The following SAP30BP variants were observed in gnomAD, a reference collection of about 807,000 sequenced individuals.
The protein encoded by SAP30BP is SAP30 binding protein.
Under a neutral mutation model 46.3 loss-of-function variants are expected in SAP30BP, and 31 were observed. The observed-to-expected ratio is 0.67, with a 90% confidence interval of 0.50 to 0.90. SAP30BP has a LOEUF of 0.90. SAP30BP is among the 40% of genes least tolerant of loss of function. The pLI is 0.00. For synonymous variants in SAP30BP, 169 were observed against 144.2 expected (o/e 1.17, Z -1.23); for missense variants, 312 against 391.0 (o/e 0.80, Z 1.70).
In SAP30BP at chr17:75,668,535, A is replaced by G. The variant is rs138151640; in HGVS notation, c.126A>G (p.Val42=). The G allele has an allele frequency of 1.1e-5, 18 of 1,577,350 alleles. No individual in the cohort carries two copies. The highest frequency in any genetic ancestry group is 5.9e-5 in the South Asian group (5 of 84,788). ...GSAAEEKGGL[V]SDAYGEDDFS... ...TTTCAGAGGAGAAAGGCGGATTGGT[A>G]TCTGATGCCTATGGGGAGGATGACT... Residue 42 remains valine, a synonymous_variant, in exon 2 of 11, where the codon GTA becomes GTG. Coordinates refer to ENST00000584667, the MANE Select transcript of SAP30BP (RefSeq NM_013260.8).
chr17:75,669,474 C>G (rs2059876548), intron 2 of SAP30BP, among the ~76,000 whole-genome samples: 2 of 152,124 alleles, frequency 1.3e-5, no homozygotes, highest in African/African-American at 4.8e-5. Context: ...AACTCCTGAC[C>G]TCAGGTGATC....
chr17:75,696,158 G>C (rs979423397), intron 4 of SAP30BP, among the ~76,000 whole-genome samples: 4 of 152,190 alleles, frequency 2.6e-5, no homozygotes, highest in African/African-American at 9.7e-5. Context: ...TCAGACCCAG[G>C]CAGCAGCCAC....
chr17:75,680,751 T>A (rs1416955645), intron 3 of SAP30BP, among the ~76,000 whole-genome samples: 1 of 152,176 alleles, frequency 6.6e-6, no homozygotes, highest in East Asian at 1.9e-4. Flanking sequence ...AAATGCCTAA[T>A]GGCTGAGTGT....
chr17:75,696,017 TC>T lies in SAP30BP; in HGVS notation c.307+2537del, dbSNP rs201583654. Among the ~76,000 whole-genome samples, 20 of 152,310 alleles carry T rather than the reference TC, an allele frequency of 1.3e-4. No homozygotes were observed. In the East Asian group the frequency reaches 3.9e-3, roughly 29 times the overall value. ...CCCATAAGCCCGTCCAACTAGCTGT[TC>T]CTGCACAGATCCCTCCCTGGCAGCT... On this transcript the variant is annotated intron_variant, in intron 4 of 10. Coordinates refer to ENST00000584667, the MANE Select transcript of SAP30BP (RefSeq NM_013260.8).
In SAP30BP at chr17:75,701,964, G is replaced by A. The variant is rs138347919; in HGVS notation, c.397-516G>A. 1.2e-3 allele frequency among the ~76,000 whole-genome samples: 189 copies of A among 152,278 alleles called. No individual in the cohort carries two copies. In the Middle Eastern group the frequency reaches 0.017, roughly 14 times the overall value. On this transcript the variant is annotated intron_variant, in intron 5 of 10. Coordinates refer to ENST00000584667, the MANE Select transcript of SAP30BP (RefSeq NM_013260.8). The stretch of plus-strand genomic sequence containing the variant: ...TCAGCAGTGAAAGCAGCCTGGTCTC[G>A]GTTTATCTTACTTGTGTGCAGTTCT...
intron 3 of SAP30BP, chr17:75,679,728 T>G (rs1421855318): frequency 6.6e-6 from 1 of 152,206 alleles, no homozygotes; most frequent in East Asian, 1.9e-4. Context: ...CCATTATTTT[T>G]TCGTCTCTAA....
At position 75,668,465 on chromosome 17, in the gene SAP30BP, T is replaced by G. The variant is rs113198262; in HGVS notation, c.107-51T>G. 1,126 of 1,161,350 alleles carry G rather than the reference T, an allele frequency of 9.7e-4. 14 individuals carry two copies. In the African/African-American group the frequency reaches 0.015, roughly 16 times the overall value. The allele number at this position is 1,161,350 out of a possible 1,614,324, so 71.9% of individuals were successfully genotyped here. A position where few individuals can be genotyped will look rare whatever the true frequency, so the allele number is the denominator to read the frequency against. Reference sequence around the variant, plus strand: ...ACATTTTTTCTTACATTGTAACTCTTGTTTTTTTTTTCTTGCTTTTTGTTT... The same window carrying G: ...ACATTTTTTCTTACATTGTAACTCTGGTTTTTTTTTTCTTGCTTTTTGTTT... On this transcript the variant is annotated intron_variant, in intron 1 of 10. Transcript: ENST00000584667.
intron 3 of SAP30BP, among the ~76,000 whole-genome samples, chr17:75,677,955 T>C (rs2060018116): frequency 6.6e-6 from 1 of 151,972 alleles, no homozygotes; most frequent in Non-Finnish European, 1.5e-5. Flanking sequence ...CATGGGTCAG[T>C]GATTCAGTAG....
chr17:75,696,797 CTGGCTT>C (rs1461658445), intron 4 of SAP30BP, among the ~76,000 whole-genome samples: 3 of 113,184 alleles, frequency 2.7e-5, no homozygotes, highest in African/African-American at 1.0e-4. Flanking sequence ...GAGACGGGGT[CTGGCTT>C]TGTCACCCAG....
At chr17:75,695,111 A>G (rs890568705) in intron 4 of SAP30BP, among the ~76,000 whole-genome samples, 4 of 152,156 alleles carry the variant, frequency 2.6e-5, no homozygotes, top group South Asian at 2.1e-4. Flanking sequence ...TCTCCTCACT[A>G]TAGCTTTGCC....
intron 8 of SAP30BP, among the ~76,000 whole-genome samples, chr17:75,704,484 C>T (rs1254860209): frequency 8.5e-5 from 13 of 152,202 alleles, no homozygotes; most frequent in Admixed American, 7.9e-4. Context: ...GGGTAGTCCC[C>T]ATTGGGCCTG....
intron 3 of SAP30BP, among the ~76,000 whole-genome samples, chr17:75,676,267 C>T (rs982204183): frequency 2.0e-5 from 3 of 152,166 alleles, no homozygotes; most frequent in Admixed American, 6.5e-5. Flanking sequence ...GATTTGATAT[C>T]GTCAGGCTCT....
chr17:75,691,187 A>G (rs2060236382), intron 3 of SAP30BP, among the ~76,000 whole-genome samples: 1 of 152,154 alleles, frequency 6.6e-6, no homozygotes, highest in Non-Finnish European at 1.5e-5. Flanking sequence ...TACTCTGGGC[A>G]TGCCATGCCC....
chr17:75,693,554 G>A, intron 4 of SAP30BP, 72 bp downstream of exon 4: 1 of 1,429,042 alleles, frequency 7.0e-7, no homozygotes, highest in South Asian at 1.2e-5. Context: ...AGCCATGCCA[G>A]GCCTGCCGCC....
chr17:75,674,697 G>GTTTTTGTT (rs2059960312), intron 3 of SAP30BP, among the ~76,000 whole-genome samples: 1 of 61,504 alleles, frequency 1.6e-5, no homozygotes, highest in African/African-American at 5.2e-5. Flanking sequence ...TTTGTTTTTT[G>GTTTTTGTT]TTTTTTTTTT....
intron 3 of SAP30BP, chr17:75,691,720 A>T (rs1310784850): frequency 2.4e-5 from 8 of 339,850 alleles, no homozygotes; most frequent in Non-Finnish European, 4.6e-5. Flanking sequence ...GAGTTAACGA[A>T]TGGTCAGTCC....
At chr17:75,690,660 T>G (rs1459493006) in intron 3 of SAP30BP, 6 of 456,354 alleles carry the variant, frequency 1.3e-5, no homozygotes, top group Admixed American at 9.4e-5. Flanking sequence ...GTTGTTGTCT[T>G]TCTTCTTTAG....
At chr17:75,697,475 A>G (rs1306207956) in intron 4 of SAP30BP, among the ~76,000 whole-genome samples, 2 of 152,152 alleles carry the variant, frequency 1.3e-5, no homozygotes, top group African/African-American at 4.8e-5. Context: ...CAGGAGACCA[A>G]AGGAAGGTGC....
At chr17:75,675,673 G>A (rs572288159) in intron 3 of SAP30BP, among the ~76,000 whole-genome samples, 65 of 152,234 alleles carry the variant, frequency 4.3e-4, no homozygotes, top group African/African-American at 1.5e-3. Flanking sequence ...CCAGCACTTT[G>A]GGAGGCCGAG....
Sources: gnomAD v4.1 joint callset for allele counts (sites outside exome capture counted in the v4.1 genomes callset) on GRCh38, gnomAD v4.1.1 for gene constraint, MANE v1.5 for transcripts, NCBI Gene and HGNC (gene_info 2026-07-23, HGNC 2026-07-21) for gene names.